The following KCND2 variants were observed in gnomAD, a reference collection of about 807,000 sequenced individuals.
The protein encoded by KCND2 is potassium voltage-gated channel subfamily D member 2.
Under a neutral mutation model 54.4 loss-of-function variants are expected in KCND2, and 16 were observed. The observed-to-expected ratio is 0.29, with a 90% CI of 0.20 to 0.45. The LOEUF is 0.45. Among genes scored for constraint, KCND2 ranks in the 20% least tolerant of loss-of-function variants. KCND2 has a pLI of 1.00. For missense variants in KCND2, 486 were observed against 824.2 expected (o/e 0.59, Z 5.02); for synonymous variants, 317 against 310.7 (o/e 1.02, Z -0.21).
chr7:120,503,611 GTTAT>G (rs770195916), intron 1 of KCND2, among the ~76,000 whole-genome samples: 1 of 151,522 alleles, frequency 6.6e-6, no homozygotes, highest in Non-Finnish European at 1.5e-5. Context: ...CTTTGCCTTC[GTTAT>G]TTATTTATGA....
intron 1 of KCND2, among the ~76,000 whole-genome samples, chr7:120,373,508 T>C (rs1204752327): frequency 6.6e-6 from 1 of 151,908 alleles, no homozygotes; most frequent in Non-Finnish European, 1.5e-5. Flanking sequence ...ATGAGAATAA[T>C]AATGAACTTA....
intron 1 of KCND2, among the ~76,000 whole-genome samples, chr7:120,662,873 A>T (rs1237054033): frequency 1.3e-5 from 2 of 152,206 alleles, no homozygotes; most frequent in Non-Finnish European, 2.9e-5. Context: ...TCACTAAATG[A>T]CTGCCAGCAC....
intron 1 of KCND2, among the ~76,000 whole-genome samples, chr7:120,528,891 C>G (rs1307910610): frequency 6.6e-6 from 1 of 152,162 alleles, no homozygotes; most frequent in Non-Finnish European, 1.5e-5. Flanking sequence ...AATTGACAAT[C>G]ATGTTTATAA....
chr7:120,292,668 T>C lies in KCND2; in HGVS notation c.1115+16921T>C, dbSNP rs1223819870. Among the ~76,000 whole-genome samples the C allele has an allele frequency of 2.0e-5, 3 of 151,928 alleles. No homozygotes were observed. The East Asian group carries it at 5.8e-4, about 29-fold the overall frequency. The stretch of plus-strand genomic sequence containing the variant: ...CTTTGCAGCACAGCTCAAATTTTTA[T>C]CAAGTTTTAAAAAATTGAGCTGAAA... On this transcript the variant is annotated intron_variant, in intron 1 of 5. Transcript: ENST00000331113.
At chr7:120,523,579 AC>A (rs761169593) in intron 1 of KCND2, among the ~76,000 whole-genome samples, 21 of 149,344 alleles carry the variant, frequency 1.4e-4, no homozygotes, top group Admixed American at 1.1e-3. Context: ...CCAAAAAAAA[AC>A]ATACACACAC....
chr7:120,446,456 C>T (rs1802020237), intron 1 of KCND2, among the ~76,000 whole-genome samples: 2 of 152,066 alleles, frequency 1.3e-5, no homozygotes, highest in African/African-American at 2.4e-5. Context: ...TTTGAATCTA[C>T]TTGAATTATT....
intron 1 of KCND2, among the ~76,000 whole-genome samples, chr7:120,688,584 A>G (rs1562910063): frequency 6.6e-6 from 1 of 152,146 alleles, no homozygotes; most frequent in Admixed American, 6.6e-5. Flanking sequence ...ATCTCCTTGA[A>G]GCTTCTGAAC....
rs1285189986 is a variant in KCND2 at position 120,281,052 on chromosome 7, G to A, written c.1115+5305G>A. 5.3e-5 allele frequency among the ~76,000 whole-genome samples: 8 copies of A among 152,018 alleles called. No homozygotes were observed. The South Asian group carries it at 8.3e-4, about 16-fold the overall frequency. On this transcript the variant is annotated intron_variant, in intron 1 of 5. Coordinates refer to ENST00000331113, the MANE Select transcript of KCND2 (RefSeq NM_012281.3). ...CCAGTGAACTTTCAGGCCGTTTGGC[G>A]GCAAACTACTCAATGGTGAATCTTT...
At chr7:120,574,722 G>A (rs1302395609) in intron 1 of KCND2, among the ~76,000 whole-genome samples, 1 of 151,928 alleles carries the variant, frequency 6.6e-6, no homozygotes, top group Non-Finnish European at 1.5e-5. Context: ...GTGCACCAAG[G>A]TTAAAACTCA....
chr7:120,650,606 C>T (rs1791717804), intron 1 of KCND2, among the ~76,000 whole-genome samples: 1 of 143,918 alleles, frequency 6.9e-6, no homozygotes, highest in South Asian at 2.2e-4. Flanking sequence ...AAGCCTTCTT[C>T]TCCCGACTCG....
At chr7:120,439,748 A>G (rs1159619670) in intron 1 of KCND2, among the ~76,000 whole-genome samples, 1 of 152,064 alleles carries the variant, frequency 6.6e-6, no homozygotes, top group Non-Finnish European at 1.5e-5. Flanking sequence ...ATGAATGAGA[A>G]TATGAGGTAT....
rs1799146414 is a variant in KCND2, at chr7:120,274,724, C to T, written c.92C>T (p.Pro31Leu). The change falls in exon 1 of 6, where the codon CCG (proline) becomes CTG (leucine). Residue 31 changes from proline to leucine, a missense_variant. Pro to Leu is a moderately conservative substitution (Grantham distance 98, BLOSUM62 -3). This residue lies in a region of KCND2 where 231 missense variants were observed against 386.0 expected (regional missense o/e 0.60). Coordinates refer to ENST00000331113, the MANE Select transcript of KCND2 (RefSeq NM_012281.3). ...GCCTCGGGGCCTATGCCGGCTCCCC[C>T]GAGGCAGGAGAGGAAAAGGACCCAA... Reference protein sequence around the residue: ...PVASGPMPAPPRQERKRTQDA... With the variant: ...PVASGPMPAPLRQERKRTQDA... The T allele has an allele frequency of 6.2e-7, 1 of 1,613,964 alleles. No individual in the cohort carries two copies. The highest frequency in any genetic ancestry group is 8.5e-7 in the Non-Finnish European group (1 of 1,179,962).
chr7:120,638,120 G>A (rs1016601020), intron 1 of KCND2, among the ~76,000 whole-genome samples: 2 of 152,232 alleles, frequency 1.3e-5, no homozygotes, highest in Admixed American at 1.3e-4. Flanking sequence ...GTAAATTTGG[G>A]ATTAGGATCT....
At chr7:120,737,049 C>T (rs1792879265) in intron 2 of KCND2, among the ~76,000 whole-genome samples, 3 of 142,246 alleles carry the variant, frequency 2.1e-5, no homozygotes, top group South Asian at 4.5e-4. Context: ...CACACACACA[C>T]ACACACACAC....
intron 1 of KCND2, among the ~76,000 whole-genome samples, chr7:120,311,644 T>C (rs1799737802): frequency 6.6e-6 from 1 of 152,014 alleles, no homozygotes; most frequent in South Asian, 2.1e-4. Context: ...GTCATGGGGG[T>C]TTCTTGCACA....
At chr7:120,745,689 G>T in intron 4 of KCND2, 91 bp from the exon 5 acceptor site, 2 of 1,334,998 alleles carry the variant, frequency 1.5e-6, no homozygotes, top group Non-Finnish European at 2.1e-6. Context: ...AACTATACTT[G>T]GGCAGATTTG....
intron 2 of KCND2, among the ~76,000 whole-genome samples, chr7:120,740,008 A>C (rs1021241496): frequency 2.6e-5 from 4 of 152,132 alleles, no homozygotes; most frequent in African/African-American, 9.6e-5. Flanking sequence ...TATATTATAC[A>C]TTCATTAAAA....
intron 1 of KCND2, among the ~76,000 whole-genome samples, chr7:120,606,233 G>C (rs762820085): frequency 6.6e-6 from 1 of 152,096 alleles, no homozygotes; most frequent in Admixed American, 6.6e-5. Flanking sequence ...CAAATCCTCT[G>C]CCAATTTTAA....
intron 1 of KCND2, among the ~76,000 whole-genome samples, chr7:120,584,942 T>G (rs1792573782): frequency 6.6e-6 from 1 of 152,224 alleles, no homozygotes; most frequent in African/African-American, 2.4e-5. Context: ...TAGGGAAACA[T>G]GATTTTTTCA....
Sources: allele counts gnomAD v4.1 joint callset (sites outside exome capture counted in the v4.1 genomes callset), GRCh38; gene constraint gnomAD v4.1.1; regional missense constraint gnomAD v4.1.1; transcripts MANE v1.5; gene names NCBI Gene and HGNC (gene_info 2026-07-23, HGNC 2026-07-21).